Variants in WWC1 observed in about 807,000 individuals in gnomAD.
WWC1 encodes the protein WW and C2 domain containing 1, also known as protein KIBRA.
In WWC1, 55 loss-of-function variants were observed where a neutral mutation model predicts 138.4. That is an observed-to-expected ratio of 0.40 (90% CI 0.32 to 0.50). The LOEUF (loss-of-function observed/expected upper bound fraction) is 0.50, where lower values mean the gene tolerates loss of function less well. WWC1 is among the 20% of genes least tolerant of loss of function. The pLI is 0.72. For synonymous variants in WWC1, 524 were observed against 564.9 expected, an observed-to-expected ratio of 0.93 and a Z score of 1.03; for missense variants, 1,226 against 1,420.4, an observed-to-expected ratio of 0.86 and a Z score of 2.20.
intron 1 of WWC1, among the ~76,000 whole-genome samples, chr5:168,358,785 TA>T (rs1775653946): frequency 6.7e-6 from 1 of 149,610 alleles, no homozygotes; most frequent in Non-Finnish European, 1.5e-5. Flanking sequence ...TTGACACGCA[TA>T]TATATATATA....
chr5:168,349,262 C>T (rs1239915469), intron 1 of WWC1, among the ~76,000 whole-genome samples: 1 of 152,124 alleles, frequency 6.6e-6, no homozygotes, highest in Non-Finnish European at 1.5e-5. Flanking sequence ...CTCTTGGGCA[C>T]GTGGGTTTCT....
chr5:168,446,867 C>T (rs1232729649), intron 17 of WWC1, among the ~76,000 whole-genome samples: 1 of 152,078 alleles, frequency 6.6e-6, no homozygotes, highest in African/African-American at 2.4e-5. Context: ...AGGGTAAATC[C>T]CATGTAGGAA....
At chr5:168,409,865 C>T in intron 7 of WWC1, 57 bp from the exon 8 acceptor site, 1 of 1,591,708 alleles carries the variant, frequency 6.3e-7, no homozygotes, top group East Asian at 2.2e-5. Context: ...CCTCGAAACC[C>T]AACTCAGCAC....
chr5:168,446,004 G>GGC, intron 17 of WWC1, among the ~76,000 whole-genome samples: 1 of 152,090 alleles, frequency 6.6e-6, no homozygotes, highest in Non-Finnish European at 1.5e-5. Flanking sequence ...GCCAAGCTTA[G>GGC]CCACTTAGCC....
At chr5:168,385,980 G>A (rs538697835) in intron 3 of WWC1, among the ~76,000 whole-genome samples, 4 of 152,128 alleles carry the variant, frequency 2.6e-5, no homozygotes, top group Non-Finnish European at 5.9e-5. Context: ...CTCCTCACTA[G>A]GCTCCAGATG....
chr5:168,464,844 T>C lies in WWC1; in HGVS notation c.3032T>C (p.Val1011Ala). 6.2e-7 allele frequency: 1 copy of C among 1,614,176 alleles called. No homozygotes were observed. Among genetic ancestry groups the C allele is most frequent in the Middle Eastern group, 1.6e-4 (1 of 6,062 alleles). ...WHSQLTQEIS[V>A]LKELKEQLEQ... ...AGCCAATTGACCCAGGAGATCTCGG[T>C]GCTGAAGGAGCTCAAGGAGCAGCTG... The change falls in exon 21 of 23, where the codon GTG (valine) becomes GCG (alanine). Residue 1011 changes from valine to alanine, a missense_variant. Physicochemically the swap from Val to Ala is moderately conservative, Grantham distance 64. Transcript: ENST00000265293.
intron 16 of WWC1, among the ~76,000 whole-genome samples, chr5:168,443,636 G>C (rs1232242327): frequency 6.6e-6 from 1 of 152,154 alleles, no homozygotes; most frequent in East Asian, 1.9e-4. Flanking sequence ...CACCTGTCAG[G>C]ATGGTTGTAA....
At position 168,366,658 on chromosome 5, in the gene WWC1, G is replaced by C. The variant is rs975911273; in HGVS notation, c.120-4766G>C. 5.9e-5 allele frequency among the ~76,000 whole-genome samples: 9 copies of C among 152,080 alleles called. No homozygotes were observed. In the South Asian group the frequency reaches 1.0e-3, roughly 18 times the overall value. On this transcript the variant is annotated intron_variant, in intron 1 of 22. Transcript: ENST00000265293. ...ATGTATTTGGCTCTGACATCTCAAC[G>C]TGTAAGGCTGGAACAATCAGTGGAG... is the stretch of plus-strand genomic sequence containing the variant.
chr5:168,408,695 G>T, intron 7 of WWC1, 42 bp downstream of exon 7: 1 of 1,609,310 alleles, frequency 6.2e-7, no homozygotes. Context: ...TCCACAGGAT[G>T]GCAGCTGGGA....
At chr5:168,385,737 G>T (rs1777994047) in intron 3 of WWC1, among the ~76,000 whole-genome samples, 1 of 152,202 alleles carries the variant, frequency 6.6e-6, no homozygotes, top group South Asian at 2.1e-4. Context: ...AGTTTGGGAA[G>T]AAGAAAATTT....
chr5:168,294,729 G>A (rs536655010), intron 1 of WWC1, among the ~76,000 whole-genome samples: 16 of 152,186 alleles, frequency 1.1e-4, no homozygotes, highest in Non-Finnish European at 1.9e-4. Flanking sequence ...GGGTTCAAGC[G>A]ATTCTCCTGC....
rs1769085420 is a variant in WWC1 at position 168,291,983 on chromosome 5, G to C, written c.-170G>C. The C allele has an allele frequency of 1.5e-6, 1 of 673,604 alleles. No homozygotes were observed. Among genetic ancestry groups the C allele is most frequent in the Non-Finnish European group, 2.1e-6 (1 of 469,324 alleles). The allele number at this position is 673,604 out of a possible 1,614,324, so 41.7% of individuals were successfully genotyped here. ...CGGGTCGGGGCTGCAGGGCCGCATG[G>C]ACAGCGGCGCCACCCCGGCCGGCCC... On this transcript the variant is annotated 5_prime_UTR_variant, in exon 1 of 23. Transcript: ENST00000265293.
intron 1 of WWC1, among the ~76,000 whole-genome samples, chr5:168,351,971 G>T (rs1376103505): frequency 1.3e-5 from 2 of 152,132 alleles, no homozygotes; most frequent in African/African-American, 4.8e-5. Flanking sequence ...TCCCGTGGCA[G>T]CTGATGTGGT....
intron 21 of WWC1, among the ~76,000 whole-genome samples, chr5:168,465,828 G>A (rs531218721): frequency 7.9e-5 from 12 of 152,108 alleles, no homozygotes; most frequent in Non-Finnish European, 1.3e-4. Flanking sequence ...AAAGTGTTGC[G>A]ATTACAGGCA....
chr5:168,426,161 A>G (rs1436674987), intron 11 of WWC1, among the ~76,000 whole-genome samples: 1 of 152,146 alleles, frequency 6.6e-6, no homozygotes, highest in Non-Finnish European at 1.5e-5. Context: ...TCCTTAGAAG[A>G]GGAGCCGAGA....
At chr5:168,393,301 C>G (rs1561699296) in intron 3 of WWC1, among the ~76,000 whole-genome samples, 1 of 152,140 alleles carries the variant, frequency 6.6e-6, no homozygotes, top group Non-Finnish European at 1.5e-5. Context: ...TGAAAGTCAG[C>G]TCACACCAAG....
At position 168,431,417 on chromosome 5, in the gene WWC1, C is replaced by T. The variant is rs1781926024; in HGVS notation, c.2253C>T (p.Thr751=). 2 of 1,612,900 alleles carry T rather than the reference C, an allele frequency of 1.2e-6. No homozygotes were observed. Among genetic ancestry groups the T allele is most frequent in the African/African-American group, 1.3e-5 (1 of 74,804 alleles). The change falls in exon 15 of 23, where the codon ACC becomes ACT. Residue 751 remains threonine (T), a synonymous_variant. Transcript: ENST00000265293. ...QKTLRVDVCT[T]DRSHLEECLG... ...CCTTAAGAGTCGATGTCTGTACCACCGACAGGAGCCATCTGGAAGAGTGCC... is the reference window on the plus strand; with the variant it reads ...CCTTAAGAGTCGATGTCTGTACCACTGACAGGAGCCATCTGGAAGAGTGCC...
At chr5:168,414,766 C>G in intron 9 of WWC1, 176 bp downstream of exon 9, 1 of 935,054 alleles carries the variant, frequency 1.1e-6, no homozygotes, top group Non-Finnish European at 1.5e-6. Context: ...GGTTTGCCAT[C>G]CAGTGCGCCA....
chr5:168,422,900 C>A (rs1781207540), intron 10 of WWC1, among the ~76,000 whole-genome samples: 1 of 151,958 alleles, frequency 6.6e-6, no homozygotes, highest in African/African-American at 2.4e-5. Flanking sequence ...AATCCTACCA[C>A]TTTGGGAGGC....
Sources: gnomAD v4.1 joint callset for allele counts (sites outside exome capture counted in the v4.1 genomes callset) on GRCh38, gnomAD v4.1.1 for gene constraint, MANE v1.5 for transcripts, NCBI Gene and HGNC (gene_info 2026-07-23, HGNC 2026-07-21) for gene names.